The following CAMTA1 variants were observed in gnomAD, a reference collection of about 807,000 sequenced individuals.
CAMTA1 encodes calmodulin binding transcription activator 1.
Under a neutral mutation model 170.9 loss-of-function variants are expected in CAMTA1, and 27 were observed. The observed-to-expected ratio is 0.16, with a 90% CI of 0.12 to 0.22. The LOEUF is 0.22. Among genes scored for constraint, CAMTA1 ranks in the 10% least tolerant of loss-of-function variants. The pLI, the probability that CAMTA1 is intolerant of heterozygous loss-of-function variation, is 1.00. For missense variants in CAMTA1, 1,619 were observed against 2,217.2 expected, an observed-to-expected ratio of 0.73 and a Z score of 5.42; for synonymous variants, 833 against 891.5, an observed-to-expected ratio of 0.93 and a Z score of 1.17.
rs57358691 is a variant in CAMTA1, at chr1:7,144,236, AGTGT to A, written c.302+52878_302+52881del. On this transcript the variant is annotated intron_variant, in intron 4 of 22. Coordinates refer to ENST00000303635, the MANE Select transcript of CAMTA1 (RefSeq NM_015215.4). This position sits in a 1 kb window ranked among gnomAD's most constrained non-coding sequence, Gnocchi z 4.0. ...CTATGTCCTCAGATGGCCTTTTCTA[AGTGT>A]GTGTGTGTGTGTATGTGTGTGTTTG... Among the ~76,000 whole-genome samples, 15 of 150,392 alleles carry A rather than the reference AGTGT, an allele frequency of 1.0e-4. No individual in the cohort carries two copies. Among genetic ancestry groups the A allele is most frequent in the East Asian group, 1.9e-4 (1 of 5,142 alleles).
intron 5 of CAMTA1, among the ~76,000 whole-genome samples, chr1:7,311,992 A>G (rs1488005633): frequency 6.6e-6 from 1 of 152,100 alleles, no homozygotes; most frequent in Non-Finnish European, 1.5e-5. Flanking sequence ...TTTATAAACA[A>G]TTTTGTGAGA....
chr1:7,658,985 T>C (rs1320275088), intron 7 of CAMTA1, among the ~76,000 whole-genome samples: 1 of 152,174 alleles, frequency 6.6e-6, no homozygotes, highest in Non-Finnish European at 1.5e-5. Flanking sequence ...ACATGGCGGC[T>C]TGGCAAACAG....
chr1:7,540,797 T>C (rs2094601452), intron 6 of CAMTA1, among the ~76,000 whole-genome samples: 1 of 152,196 alleles, frequency 6.6e-6, no homozygotes, highest in African/African-American at 2.4e-5. Flanking sequence ...AGAAAACTAT[T>C]GCCAAAACCT....
intron 4 of CAMTA1, among the ~76,000 whole-genome samples, chr1:7,229,427 G>C (rs551515247): frequency 7.5e-6 from 1 of 133,214 alleles, no homozygotes; most frequent in South Asian, 2.9e-4. Context: ...GTGAGAGGAG[G>C]GGAGGGGAGG....
intron 5 of CAMTA1, among the ~76,000 whole-genome samples, chr1:7,252,385 G>A (rs1281203470): frequency 2.6e-4 from 39 of 152,204 alleles, no homozygotes; most frequent in Admixed American, 2.6e-3. Context: ...CATGGGCATG[G>A]ACATGGATTT....
At chr1:7,613,903 A>G (rs1476819214) in intron 6 of CAMTA1, among the ~76,000 whole-genome samples, 2 of 115,184 alleles carry the variant, frequency 1.7e-5, no homozygotes, top group African/African-American at 3.4e-5. Flanking sequence ...CCGGACCTAG[A>G]GTGTCAGGTG....
intron 6 of CAMTA1, among the ~76,000 whole-genome samples, chr1:7,623,754 T>A (rs2095614896): frequency 6.6e-6 from 1 of 152,236 alleles, no homozygotes; most frequent in African/African-American, 2.4e-5. Flanking sequence ...CGCCTCGGCC[T>A]CCCGAGGTGC....
At chr1:7,140,476 C>T (rs1314401621) in intron 4 of CAMTA1, among the ~76,000 whole-genome samples, 1 of 152,130 alleles carries the variant, frequency 6.6e-6, no homozygotes, top group Non-Finnish European at 1.5e-5. Flanking sequence ...TGCTTGATTT[C>T]TTTGACTGCT....
intron 3 of CAMTA1, chr1:6,886,394 A>G (rs932619285): frequency 2.4e-6 from 1 of 412,794 alleles, no homozygotes; most frequent in Admixed American, 2.9e-5. Flanking sequence ...TTGTGCTGAT[A>G]TCTTAAGTAA....
In CAMTA1 at chr1:7,664,485, G is replaced by A. The variant is rs142993717; in HGVS notation, c.1938G>A (p.Thr646=). Residue 646 remains threonine, a synonymous_variant, in exon 9 of 23, where the codon ACG becomes ACA. Coordinates refer to ENST00000303635, the MANE Select transcript of CAMTA1 (RefSeq NM_015215.4). ...CTGGGGGCACCTTCGTGATGCCCAC[G>A]GTGAAAACGGAGGCCTCGTCCCAAA... The part of the protein sequence containing the change: ...SDSGGTFVMP[T]VKTEASSQTS... 1.1e-5 allele frequency: 17 copies of A among 1,613,190 alleles called. No individual in the cohort carries two copies. The highest frequency in any genetic ancestry group is 1.6e-4 in the Middle Eastern group (1 of 6,084).
At chr1:7,453,876 C>T (rs1209936002) in intron 5 of CAMTA1, among the ~76,000 whole-genome samples, 1 of 152,184 alleles carries the variant, frequency 6.6e-6, no homozygotes, top group Non-Finnish European at 1.5e-5. Flanking sequence ...TGGGACCCGG[C>T]CCCCCGCAGC....
chr1:7,493,402 C>CA (rs2093768230), intron 6 of CAMTA1, among the ~76,000 whole-genome samples: 1 of 147,956 alleles, frequency 6.8e-6, no homozygotes, highest in Non-Finnish European at 1.5e-5. Context: ...TGCACACACA[C>CA]AAAAACACAA....
At chr1:7,494,487 G>GGT (rs968019060) in intron 6 of CAMTA1, among the ~76,000 whole-genome samples, 1 of 152,076 alleles carries the variant, frequency 6.6e-6, no homozygotes, top group Non-Finnish European at 1.5e-5. Context: ...CAGCTGCTGG[G>GGT]GTCTGGGGGA....
chr1:7,168,258 G>A (rs1648901464), intron 4 of CAMTA1, among the ~76,000 whole-genome samples: 1 of 152,164 alleles, frequency 6.6e-6, no homozygotes, highest in Non-Finnish European at 1.5e-5. Context: ...TGAATTCTAT[G>A]TAGATAATTC....
intron 5 of CAMTA1, among the ~76,000 whole-genome samples, chr1:7,289,277 G>T (rs973270631): frequency 1.3e-5 from 2 of 152,148 alleles, no homozygotes; most frequent in Non-Finnish European, 2.9e-5. Context: ...GAGGGTGGGA[G>T]TTTTCCAGCC....
chr1:7,077,062 G>A (rs1188032548), intron 3 of CAMTA1, among the ~76,000 whole-genome samples: 1 of 152,068 alleles, frequency 6.6e-6, no homozygotes, highest in Non-Finnish European at 1.5e-5. Context: ...GGCCACCAGT[G>A]GCCTATAATC....
intron 5 of CAMTA1, among the ~76,000 whole-genome samples, chr1:7,309,539 T>C (rs369977485): frequency 6.6e-6 from 1 of 151,868 alleles, no homozygotes; most frequent in African/African-American, 2.4e-5. Context: ...GACCTCGTGA[T>C]CCGCCCGCCT....
Position 6,926,438 on chromosome 1 carries a change from CTCTTTCTTTCTTTCTTTCTT to C in CAMTA1, c.234+101260_234+101279del, listed in dbSNP as rs70984040. Among the ~76,000 whole-genome samples the C allele has an allele frequency of 8.5e-3, 1,076 of 126,176 alleles. 8 individuals carry two copies. Among genetic ancestry groups the C allele is most frequent in the East Asian group, 0.023 (100 of 4,336 alleles). 82.8% of individuals were successfully genotyped at this position (126,176 alleles called of 152,430 possible). On this transcript the variant is annotated intron_variant, in intron 3 of 22. Transcript: ENST00000303635. ...CTTTTCTTTTCTCTTTCTTTCTTTT[CTCTTTCTTTCTTTCTTTCTT>C]TCTTTCTTTCTTTCTTTCTTTCTTT...
chr1:7,011,661 G>A (rs930586285), intron 3 of CAMTA1, among the ~76,000 whole-genome samples: 2 of 152,098 alleles, frequency 1.3e-5, no homozygotes, highest in Admixed American at 6.5e-5. Context: ...CCTTCATGAC[G>A]TTTATCACAG....
Sources: allele counts gnomAD v4.1 joint callset (sites outside exome capture counted in the v4.1 genomes callset), GRCh38; gene constraint gnomAD v4.1.1; non-coding constraint Gnocchi (gnomAD v3.1); transcripts MANE v1.5; gene names NCBI Gene and HGNC (gene_info 2026-07-23, HGNC 2026-07-21).